Variants in PPIL6 observed in about 807,000 individuals in gnomAD.
PPIL6 encodes probable inactive peptidyl-prolyl cis-trans isomerase-like 6.
A neutral mutation model predicts 36.8 loss-of-function variants in PPIL6; 39 were observed. That is an observed-to-expected ratio of 1.06 (90% CI 0.82 to 1.38). The LOEUF (loss-of-function observed/expected upper bound fraction) is 1.38, where lower values mean the gene tolerates loss of function less well. PPIL6 is among the 40% of genes most tolerant of loss of function. PPIL6 has a pLI of 0.00. For missense variants in PPIL6, 368 were observed against 379.1 expected, an observed-to-expected ratio of 0.97 and a Z score of 0.24; for synonymous variants, 123 against 134.1, an observed-to-expected ratio of 0.92 and a Z score of 0.57.
At chr6:109,399,517 C>T (rs1772440554) in intron 7 of PPIL6, among the ~76,000 whole-genome samples, 1 of 152,232 alleles carries the variant, frequency 6.6e-6, no homozygotes, top group South Asian at 2.1e-4. Context: ...ATTCTCCTGC[C>T]TCAGCCTCCG....
At chr6:109,397,022 T>C (rs1285850652) in intron 7 of PPIL6, among the ~76,000 whole-genome samples, 10 of 150,718 alleles carry the variant, frequency 6.6e-5, no homozygotes, top group Non-Finnish European at 8.8e-5. Context: ...AAGGAAGGTA[T>C]CCCTGAAGGA....
chr6:109,399,556 T>C (rs948063776), intron 7 of PPIL6, among the ~76,000 whole-genome samples: 5 of 152,128 alleles, frequency 3.3e-5, no homozygotes, highest in South Asian at 2.1e-4. Flanking sequence ...GCACATGCCA[T>C]CATGCCTGAC....
intron 6 of PPIL6, among the ~76,000 whole-genome samples, chr6:109,403,288 A>T (rs567378067): frequency 3.4e-4 from 52 of 152,118 alleles, no homozygotes; most frequent in East Asian, 1.3e-3. Flanking sequence ...ATTTTTTTTA[A>T]AAAAATTATT....
intron 6 of PPIL6, among the ~76,000 whole-genome samples, chr6:109,400,452 T>A (rs1472469769): frequency 6.6e-6 from 1 of 152,214 alleles, no homozygotes; most frequent in Non-Finnish European, 1.5e-5. Flanking sequence ...CAAGGAAATA[T>A]ATACAGTATT....
At chr6:109,417,549 A>C (rs986010087) in intron 6 of PPIL6, among the ~76,000 whole-genome samples, 9 of 152,162 alleles carry the variant, frequency 5.9e-5, no homozygotes, top group Non-Finnish European at 1.3e-4. Context: ...CTTTATTCTT[A>C]TAATCACCTT....
At chr6:109,436,319 T>G in intron 1 of PPIL6, 120 bp from the exon 2 acceptor site, 1 of 631,892 alleles carries the variant, frequency 1.6e-6, no homozygotes, top group South Asian at 1.9e-5. Context: ...GGCCATGCAG[T>G]CCGACTGAGA....
Position 109,427,384 on chromosome 6 carries a change from A to AT in PPIL6, c.421-229dup, listed in dbSNP as rs548844819. Among the ~76,000 whole-genome samples, 94 of 151,844 alleles carry AT rather than the reference A, an allele frequency of 6.2e-4. 1 individual carries two copies. In the Middle Eastern group the frequency reaches 0.017, roughly 27 times the overall value. Reference sequence around the variant, plus strand: ...CATTTTAATTTTTATTATTGTATTTATTTATTTATTTATTTTTGAGACAGG... The same window carrying AT: ...CATTTTAATTTTTATTATTGTATTTATTTTATTTATTTATTTTTGAGACAGG... On this transcript the variant is annotated intron_variant, in intron 3 of 7. Coordinates refer to ENST00000521072, the MANE Select transcript of PPIL6 (RefSeq NM_173672.5).
Position 109,421,443 on chromosome 6 carries a change from C to A in PPIL6, c.632-2200G>T, listed in dbSNP as rs531763322. 2.0e-5 allele frequency among the ~76,000 whole-genome samples: 3 copies of A among 152,332 alleles called. No homozygotes were observed. In the East Asian group the frequency reaches 5.8e-4, roughly 29 times the overall value. On this transcript the variant is annotated intron_variant, in intron 5 of 7. Coordinates refer to ENST00000521072, the MANE Select transcript of PPIL6 (RefSeq NM_173672.5). ...CAAACAGGGATAATGGTAACTGCCTCACAGGTAGCTCTGAGGATGAAATGA... is the reference window on the plus strand; with the variant it reads ...CAAACAGGGATAATGGTAACTGCCTAACAGGTAGCTCTGAGGATGAAATGA...
At position 109,391,057 on chromosome 6, in the gene PPIL6, G is replaced by A. The variant is rs1412901561; in HGVS notation, c.*1769C>T. On this transcript the variant is annotated 3_prime_UTR_variant, in exon 8 of 8. Transcript: ENST00000521072. ...TAATCTCAGCACTTTGGGAGGCCGAGGCGGGCGGATCACGAGGTCACAAGA... is the reference window on the plus strand; with the variant it reads ...TAATCTCAGCACTTTGGGAGGCCGAAGCGGGCGGATCACGAGGTCACAAGA... The A allele has an allele frequency of 6.6e-6, 1 of 152,140 alleles. No homozygotes were observed. The highest frequency in any genetic ancestry group is 1.5e-5 in the Non-Finnish European group (1 of 68,084). The allele number at this position is 152,140 out of a possible 1,614,324, so 9.4% of individuals were successfully genotyped here. A position where few individuals can be genotyped will look rare whatever the true frequency, so the allele number is the denominator to read the frequency against.
chr6:109,399,566 C>G (rs1285669232), intron 7 of PPIL6, among the ~76,000 whole-genome samples: 1 of 152,100 alleles, frequency 6.6e-6, no homozygotes, highest in Non-Finnish European at 1.5e-5. Context: ...TCATGCCTGA[C>G]TAATTTTTGT....
intron 3 of PPIL6, among the ~76,000 whole-genome samples, chr6:109,430,485 G>A (rs1354793471): frequency 6.6e-6 from 1 of 151,738 alleles, no homozygotes; most frequent in East Asian, 1.9e-4. Flanking sequence ...GGAGTGCAGT[G>A]GTGCGATCTC....
At position 109,426,968 on chromosome 6, in the gene PPIL6, T is replaced by C; in HGVS notation, c.510A>G (p.Thr170=). Residue 170 remains threonine, a synonymous_variant, in exon 5 of 8, where the codon ACA becomes ACG. Coordinates refer to ENST00000521072, the MANE Select transcript of PPIL6 (RefSeq NM_173672.5). ...TGCACAAGACCTGAAAATTTTTACA[T>C]GTTTTGGGACACACATCACAGTATA... ...FELYCDVCPK[T]CKNFQVLCTG... 1 of 1,605,542 alleles carries C rather than the reference T, an allele frequency of 6.2e-7. No individual in the cohort carries two copies. Among genetic ancestry groups the C allele is most frequent in the Non-Finnish European group, 8.5e-7 (1 of 1,173,150 alleles).
chr6:109,440,957 C>G (rs1272299625), upstream of PPIL6: 1 of 639,350 alleles, frequency 1.6e-6, no homozygotes, highest in South Asian at 2.0e-5. Flanking sequence ...CGGGGGAACG[C>G]GGGAGTCGGG....
intron 7 of PPIL6, among the ~76,000 whole-genome samples, chr6:109,393,256 T>G (rs896047872): frequency 6.6e-6 from 1 of 151,766 alleles, no homozygotes; most frequent in Non-Finnish European, 1.5e-5. Flanking sequence ...CTCACTCTGT[T>G]GCCCAGGCTG....
intron 6 of PPIL6, among the ~76,000 whole-genome samples, chr6:109,414,498 T>A (rs1236494623): frequency 2.3e-3 from 337 of 145,146 alleles, no homozygotes; most frequent in African/African-American, 8.3e-3. Flanking sequence ...TTTTTTTTTT[T>A]TTTTGAGACA....
At position 109,392,656 on chromosome 6, in the gene PPIL6, A is replaced by C; in HGVS notation, c.*170T>G. 8.8e-6 allele frequency: 5 copies of C among 570,506 alleles called. No homozygotes were observed. In the South Asian group the frequency reaches 1.1e-4, roughly 13 times the overall value. 35.3% of individuals were successfully genotyped at this position (570,506 alleles called of 1,614,324 possible). On this transcript the variant is annotated 3_prime_UTR_variant, in exon 8 of 8. Transcript: ENST00000521072. Reference sequence around the variant, plus strand: ...TGAGTACCACCCTTTCACAGTCTCTATGACAGAGACAGGAAAGGAAGATGG... The same window carrying C: ...TGAGTACCACCCTTTCACAGTCTCTCTGACAGAGACAGGAAAGGAAGATGG...
chr6:109,416,506 T>C (rs901808316), intron 6 of PPIL6, among the ~76,000 whole-genome samples: 1 of 128,300 alleles, frequency 7.8e-6, no homozygotes, highest in African/African-American at 3.2e-5. Flanking sequence ...CCTGGCCTTT[T>C]TGTGGCTTTT....
At chr6:109,397,708 A>G (rs1180387437) in intron 7 of PPIL6, among the ~76,000 whole-genome samples, 1 of 152,106 alleles carries the variant, frequency 6.6e-6, no homozygotes, top group African/African-American at 2.4e-5. Flanking sequence ...GGAGGTGGTA[A>G]TGGAGGCACT....
intron 6 of PPIL6, among the ~76,000 whole-genome samples, chr6:109,411,350 A>G (rs1258101272): frequency 6.6e-6 from 1 of 152,218 alleles, no homozygotes; most frequent in Non-Finnish European, 1.5e-5. Flanking sequence ...GGAATTCAAG[A>G]GTCCTTAGGC....
Sources: gnomAD v4.1 joint callset for allele counts (sites outside exome capture counted in the v4.1 genomes callset) on GRCh38, gnomAD v4.1.1 for gene constraint, MANE v1.5 for transcripts, NCBI Gene and HGNC (gene_info 2026-07-23, HGNC 2026-07-21) for gene names.